The following BRSK2 variants were observed in gnomAD, a reference collection of about 807,000 sequenced individuals.
BRSK2 encodes BR serine/threonine kinase 2.
BRSK2 carries 19 observed loss-of-function variants against 83.3 expected under a neutral mutation model. The observed-to-expected ratio is 0.23, with a 90% CI of 0.16 to 0.33. The LOEUF is 0.33. Ranked by LOEUF, BRSK2 falls within the 10% of genes least tolerant of loss-of-function variation. The probability of loss-of-function intolerance (pLI) is 1.00; values close to 1 mark genes in which losing one functional copy is unlikely to be tolerated. For synonymous variants in BRSK2, 519 were observed against 435.4 expected, an observed-to-expected ratio of 1.19 and a Z score of -2.39; for missense variants, 798 against 1,042.3, an observed-to-expected ratio of 0.77 and a Z score of 3.23.
chr11:1,405,379 T>G (rs1846800179), intron 1 of BRSK2, among the ~76,000 whole-genome samples: 1 of 152,120 alleles, frequency 6.6e-6, no homozygotes, highest in Non-Finnish European at 1.5e-5. Context: ...CACCTGTGTG[T>G]GCAGGTGCCA....
At position 1,454,693 on chromosome 11, in the gene BRSK2, A is replaced by C; in HGVS notation, c.1668+85A>C. On this transcript the variant is annotated intron_variant, in intron 16 of 19. Coordinates refer to ENST00000528841, the MANE Select transcript of BRSK2 (RefSeq NM_001256627.2). This position sits in a 1 kb window ranked among gnomAD's most constrained non-coding sequence, Gnocchi z 5.2. ...CCGAGAATCCAGCCTCCTCACGTAG[A>C]CAGGACATGTCCACGCGCACAGCAC... 6.5e-7 allele frequency: 1 copy of C among 1,542,360 alleles called. No individual in the cohort carries two copies.
chr11:1,458,792 C>T (rs1004629792), intron 18 of BRSK2, among the ~76,000 whole-genome samples: 43 of 152,276 alleles, frequency 2.8e-4, no homozygotes, highest in Non-Finnish European at 5.7e-4. Flanking sequence ...GAAGGGCAGC[C>T]GGAAGCCACA....
intron 1 of BRSK2, among the ~76,000 whole-genome samples, chr11:1,396,905 G>A (rs921388780): frequency 1.3e-5 from 2 of 152,246 alleles, no homozygotes; most frequent in African/African-American, 2.4e-5. Context: ...CCCCTCGGAA[G>A]TGGAAGGACT....
intron 18 of BRSK2, among the ~76,000 whole-genome samples, chr11:1,457,864 CT>C (rs1401884664): frequency 6.6e-6 from 1 of 152,180 alleles, no homozygotes; most frequent in African/African-American, 2.4e-5. Flanking sequence ...AGCCCTGGCC[CT>C]AACCGAAGCC....
intron 14 of BRSK2, 94 bp from the exon 15 acceptor site, chr11:1,451,277 T>G: frequency 1.4e-6 from 2 of 1,436,852 alleles, no homozygotes; most frequent in South Asian, 2.3e-5. Flanking sequence ...GTGGGTGGAC[T>G]CCTGATGACC....
chr11:1,444,450 G>A (rs184758837), intron 8 of BRSK2, among the ~76,000 whole-genome samples: 16 of 152,244 alleles, frequency 1.1e-4, no homozygotes, highest in Non-Finnish European at 2.1e-4. Flanking sequence ...AGAAGGGGCC[G>A]TGTGGCTGGC....
intron 1 of BRSK2, among the ~76,000 whole-genome samples, chr11:1,392,299 G>A (rs1457244439): frequency 2.0e-5 from 3 of 152,200 alleles, no homozygotes; most frequent in South Asian, 4.1e-4. Context: ...GCTTCTGGCC[G>A]CCACCACCCG....
At position 1,407,806 on chromosome 11, in the gene BRSK2, C is replaced by T. The variant is rs568608112; in HGVS notation, c.91+17431C>T. ...GGTCCCGCCGCCTCCAGGCAGGTGC[C>T]ACCTCCAGGAGGGCTTTCCCAGAGT... On this transcript the variant is annotated intron_variant, in intron 1 of 19. Coordinates refer to ENST00000528841, the MANE Select transcript of BRSK2 (RefSeq NM_001256627.2). Among the ~76,000 whole-genome samples the T allele has an allele frequency of 5.9e-5, 9 of 152,380 alleles. No homozygotes were observed. The South Asian group carries it at 1.9e-3, about 32-fold the overall frequency.
rs968663664 is a variant in BRSK2, at chr11:1,425,516, C to T, written c.92-10524C>T. Among the ~76,000 whole-genome samples the T allele has an allele frequency of 4.6e-5, 7 of 152,168 alleles. No homozygotes were observed. The South Asian group carries it at 6.2e-4, about 13-fold the overall frequency. ...GTCACCTGTCCTGGTCTCTGGGAGC[C>T]GCCTCAGTGGGGTGGAGGCAGGGCA... On this transcript the variant is annotated intron_variant, in intron 1 of 19. Transcript: ENST00000528841.
At position 1,392,721 on chromosome 11, in the gene BRSK2, G is replaced by T. The variant is rs531531486; in HGVS notation, c.91+2346G>T. Among the ~76,000 whole-genome samples the T allele has an allele frequency of 2.0e-5, 3 of 152,220 alleles. No individual in the cohort carries two copies. In the South Asian group the frequency reaches 6.2e-4, roughly 31 times the overall value. Reference sequence around the variant, plus strand: ...GGGCCTGGAGGACGCCCTTCTAGACGCCGCAGGGTCCGGTCGGCTGTCTTC... The same window carrying T: ...GGGCCTGGAGGACGCCCTTCTAGACTCCGCAGGGTCCGGTCGGCTGTCTTC... On this transcript the variant is annotated intron_variant, in intron 1 of 19. Coordinates refer to ENST00000528841, the MANE Select transcript of BRSK2 (RefSeq NM_001256627.2).
intron 18 of BRSK2, among the ~76,000 whole-genome samples, chr11:1,458,267 C>T (rs761876314): frequency 6.6e-6 from 1 of 152,076 alleles, no homozygotes. Flanking sequence ...AGTGTGGTAC[C>T]GCCTGTCAGC....
At chr11:1,426,123 G>A (rs1849183192) in intron 1 of BRSK2, among the ~76,000 whole-genome samples, 1 of 152,360 alleles carries the variant, frequency 6.6e-6, no homozygotes, top group East Asian at 1.9e-4. Flanking sequence ...CGGTCCCTGT[G>A]GGGCCTTGGG....
chr11:1,445,591 T>C lies in BRSK2; in HGVS notation c.998T>C (p.Ile333Thr). The C allele has an allele frequency of 6.4e-7, 1 of 1,574,196 alleles. No individual in the cohort carries two copies. The highest frequency in any genetic ancestry group is 8.6e-7 in the Non-Finnish European group (1 of 1,160,222). Residue 333 changes from isoleucine (I) to threonine (T), a missense_variant, in exon 11 of 20, where the codon ATT (isoleucine) becomes ACT (threonine). Ile to Thr is a moderately conservative substitution (Grantham distance 89, BLOSUM62 -1). Transcript: ENST00000528841. ...LSEEENQEKMIYFLLLDRKER... is the reference protein window; with the variant it reads ...LSEEENQEKMTYFLLLDRKER... Reference sequence around the variant, plus strand: ...TGTAGGGAGAACCAGGAGAAGATGATTTACTTCCTCCTCCTGGACCGGAAA... The same window carrying C: ...TGTAGGGAGAACCAGGAGAAGATGACTTACTTCCTCCTCCTGGACCGGAAA...
intron 12 of BRSK2, 29 bp downstream of exon 12, chr11:1,445,936 C>T (rs753665597): frequency 5.0e-6 from 8 of 1,585,118 alleles, no homozygotes; most frequent in Middle Eastern, 1.8e-4. Flanking sequence ...TGCTGGGCCT[C>T]CCTCCCTGGG....
intron 1 of BRSK2, among the ~76,000 whole-genome samples, chr11:1,419,177 T>G (rs1848404755): frequency 7.2e-6 from 1 of 138,778 alleles, no homozygotes; most frequent in Admixed American, 7.5e-5. Context: ...GCTGTGTTTG[T>G]GGGCTCTGCA....
rs370049752 is a variant in BRSK2, at chr11:1,436,146, C to T, written c.186+12C>T. 256 of 96,056 alleles carry T rather than the reference C, an allele frequency of 2.7e-3. No individual in the cohort carries two copies. Among genetic ancestry groups the T allele is most frequent in the African/African-American group, 0.017 (215 of 12,984 alleles). The allele number at this position is 96,056 out of a possible 1,614,324, so 6.0% of individuals were successfully genotyped here. ...CGGTGCTGATGAAGGTGGGTGGGGC[C>T]GGGGAGGGAGGCGGGGCCGGCGGTG... On this transcript the variant is annotated intron_variant, in intron 2 of 19. Coordinates refer to ENST00000528841, the MANE Select transcript of BRSK2 (RefSeq NM_001256627.2).
intron 1 of BRSK2, among the ~76,000 whole-genome samples, chr11:1,399,021 C>G (rs1846299323): frequency 6.6e-6 from 1 of 152,204 alleles, no homozygotes; most frequent in Non-Finnish European, 1.5e-5. Context: ...TTCTTGCACA[C>G]AGGGTTTGCA....
chr11:1,434,932 C>T (rs546472825), intron 1 of BRSK2, among the ~76,000 whole-genome samples: 109 of 151,766 alleles, frequency 7.2e-4, no homozygotes, highest in African/African-American at 2.5e-3. Flanking sequence ...GGGGTGTGGC[C>T]GGGCTGTCCT....
At position 1,462,433 on chromosome 11, in the gene BRSK2, CAG is replaced by C. The variant is rs1847604901; in HGVS notation, c.*1711_*1712del. On this transcript the variant is annotated 3_prime_UTR_variant, in exon 20 of 20. Transcript: ENST00000528841. ...TTCTGTTAACATTAGACCTCTGCCA[CAG>C]GCTGGGATTTCTATACATAAGAACA... is the stretch of plus-strand genomic sequence containing the variant. 1 of 152,126 alleles carries C rather than the reference CAG, an allele frequency of 6.6e-6. No homozygotes were observed. The highest frequency in any genetic ancestry group is 1.5e-5 in the Non-Finnish European group (1 of 68,070). The allele number at this position is 152,126 out of a possible 1,614,324, so 9.4% of individuals were successfully genotyped here. A position where few individuals can be genotyped will look rare whatever the true frequency, so the allele number is the denominator to read the frequency against.
Sources: gnomAD v4.1 joint callset for allele counts (sites outside exome capture counted in the v4.1 genomes callset) on GRCh38, gnomAD v4.1.1 for gene constraint, Gnocchi (gnomAD v3.1) non-coding constraint, MANE v1.5 for transcripts, NCBI Gene and HGNC (gene_info 2026-07-23, HGNC 2026-07-21) for gene names.